Variants in NAA25 observed in about 807,000 individuals in gnomAD.
NAA25 encodes the protein N-terminal acetyltransferase B complex subunit NAA25.
Under a neutral mutation model 132.5 loss-of-function variants are expected in NAA25, and 30 were observed. The observed-to-expected ratio is 0.23, with a 90% CI of 0.17 to 0.31. The LOEUF is 0.31. Ranked by LOEUF, NAA25 falls within the 10% of genes least tolerant of loss-of-function variation. The pLI is 1.00. For missense variants in NAA25, 771 were observed against 1,150.4 expected, an observed-to-expected ratio of 0.67 and a Z score of 4.77; for synonymous variants, 359 against 401.9, an observed-to-expected ratio of 0.89 and a Z score of 1.28.
At chr12:112,106,508 C>G (rs1364883651) in intron 1 of NAA25, among the ~76,000 whole-genome samples, 5 of 152,152 alleles carry the variant, frequency 3.3e-5, no homozygotes, top group Non-Finnish European at 5.9e-5. Flanking sequence ...TCTCTGCCCT[C>G]TGAAAATATA....
chr12:112,046,182 T>C (rs1038959447), intron 17 of NAA25, among the ~76,000 whole-genome samples: 3 of 152,208 alleles, frequency 2.0e-5, no homozygotes, highest in Admixed American at 6.5e-5. Flanking sequence ...CCACTCAGGA[T>C]AGACAGAGTG....
intron 1 of NAA25, among the ~76,000 whole-genome samples, chr12:112,100,845 C>A (rs2079285274): frequency 6.6e-6 from 1 of 152,016 alleles, no homozygotes. Flanking sequence ...GTCTCGATCT[C>A]CTGACCTCGT....
chr12:112,086,407 A>G (rs934845769), intron 4 of NAA25, among the ~76,000 whole-genome samples: 1 of 151,844 alleles, frequency 6.6e-6, no homozygotes, highest in African/African-American at 2.4e-5. Flanking sequence ...GAGGCAGGAG[A>G]ATCGCTTCAA....
chr12:112,042,014 A>T, intron 20 of NAA25, 25 bp downstream of exon 20: 1 of 1,341,122 alleles, frequency 7.5e-7, no homozygotes, highest in Non-Finnish European at 1.0e-6. Flanking sequence ...ATACAAATAC[A>T]GGAATCTACA....
chr12:112,055,315 A>AAC (rs1431706968), intron 13 of NAA25, among the ~76,000 whole-genome samples: 1 of 152,192 alleles, frequency 6.6e-6, no homozygotes, highest in Non-Finnish European at 1.5e-5. Context: ...TGTTCAGTAA[A>AAC]ACACACACAC....
At chr12:112,055,208 G>T (rs1162822752) in intron 13 of NAA25, among the ~76,000 whole-genome samples, 1 of 152,118 alleles carries the variant, frequency 6.6e-6, no homozygotes, top group Admixed American at 6.6e-5. Context: ...ATGGGAGGAT[G>T]AGTAGGTAAA....
At chr12:112,054,616 A>G (rs756896509) in intron 13 of NAA25, 48 bp from the exon 14 acceptor site, 29 of 1,543,728 alleles carry the variant, frequency 1.9e-5, no homozygotes, top group Non-Finnish European at 2.1e-5. Flanking sequence ...AGCAAATGAA[A>G]GCTTCCCAAA....
intron 1 of NAA25, among the ~76,000 whole-genome samples, chr12:112,093,963 G>C (rs968914881): frequency 6.6e-6 from 1 of 151,828 alleles, no homozygotes; most frequent in Admixed American, 6.6e-5. Context: ...TAAATGGCTA[G>C]GACGGTCAAG....
intron 1 of NAA25, among the ~76,000 whole-genome samples, chr12:112,104,153 C>T (rs2079330545): frequency 6.6e-6 from 1 of 152,218 alleles, no homozygotes; most frequent in Admixed American, 6.5e-5. Flanking sequence ...AAATATCTTA[C>T]ACCTGATCCA....
At position 112,027,325 on chromosome 12, in the gene NAA25, A is replaced by ATATT. The variant is rs950024101; in HGVS notation, c.*2205_*2206insAATA. 240 of 149,516 alleles carry ATATT rather than the reference A, an allele frequency of 1.6e-3. No individual in the cohort carries two copies. The highest frequency in any genetic ancestry group is 5.9e-3 in the African/African-American group (235 of 39,578). 9.3% of individuals were successfully genotyped at this position (149,516 alleles called of 1,614,324 possible). A position where few individuals can be genotyped will look rare whatever the true frequency, so the allele number is the denominator to read the frequency against. Reference sequence around the variant, plus strand: ...CATGTAAGAATATATATATATATATATTTTTTTAACTGTACACAATTTATA... The same window carrying ATATT: ...CATGTAAGAATATATATATATATATATATTTTTTTTTAACTGTACACAATTTATA... On this transcript the variant is annotated 3_prime_UTR_variant, in exon 24 of 24. Transcript: ENST00000261745.
rs1482085842 is a variant in NAA25, at chr12:112,061,331, C to G, written c.1207G>C (p.Ala403Pro). Residue 403 changes from alanine to proline, a missense_variant, in exon 12 of 24, where the codon GCA becomes CCA. Ala to Pro is a conservative substitution (Grantham distance 27). This residue lies in a region of NAA25 where 417 missense variants were observed against 733.8 expected (regional missense o/e 0.57). Coordinates refer to ENST00000261745, the MANE Select transcript of NAA25 (RefSeq NM_024953.4). ...AGAGCTCTGATGTCAGCAGGCAGTG[C>G]CAGCTTATCCTCTGTTGGTGTCGAC... ...PLSTPTEDKL[A>P]LPADIRALQQ... is the part of the protein sequence containing the mutation. 1 of 1,614,100 alleles carries G rather than the reference C, an allele frequency of 6.2e-7. No individual in the cohort carries two copies. The highest frequency in any genetic ancestry group is 8.5e-7 in the Non-Finnish European group (1 of 1,180,014).
intron 1 of NAA25, among the ~76,000 whole-genome samples, chr12:112,103,081 G>T (rs1354531623): frequency 6.6e-6 from 1 of 152,156 alleles, no homozygotes; most frequent in Non-Finnish European, 1.5e-5. Flanking sequence ...CCGCCTCCCG[G>T]GTTCAAGTGA....
chr12:112,046,693 C>A (rs761760505), intron 17 of NAA25, among the ~76,000 whole-genome samples: 2 of 152,188 alleles, frequency 1.3e-5, no homozygotes, highest in Non-Finnish European at 2.9e-5. Flanking sequence ...TGTGTAAATG[C>A]ATAATAAGTA....
intron 4 of NAA25, among the ~76,000 whole-genome samples, chr12:112,086,064 A>ATG (rs1166377387): frequency 1.1e-5 from 1 of 92,144 alleles, no homozygotes; most frequent in Non-Finnish European, 1.9e-5. Context: ...ATATATATAT[A>ATG]TATATATATA....
At chr12:112,047,532 C>T (rs2136823464) in intron 17 of NAA25, 133 bp downstream of exon 17, 1 of 1,126,804 alleles carries the variant, frequency 8.9e-7, no homozygotes, top group Non-Finnish European at 1.2e-6. Flanking sequence ...GTGCCCAGCC[C>T]AACCTAATTC....
intron 5 of NAA25, among the ~76,000 whole-genome samples, chr12:112,080,141 C>T (rs1207632580): frequency 6.6e-6 from 1 of 151,672 alleles, no homozygotes; most frequent in Non-Finnish European, 1.5e-5. Context: ...ATTAGCCGGG[C>T]ATGGTAGCAG....
At chr12:112,043,998 G>A in intron 17 of NAA25, 130 bp from the exon 18 acceptor site, 1 of 874,836 alleles carries the variant, frequency 1.1e-6, no homozygotes, top group Non-Finnish European at 1.7e-6. Context: ...CACTATCTCT[G>A]CTCACTGCAA....
chr12:112,069,285 C>T (rs1315772106), intron 10 of NAA25: 4 of 260,904 alleles, frequency 1.5e-5, no homozygotes, highest in Non-Finnish European at 3.0e-5. Flanking sequence ...GCGGGCAATC[C>T]CTTGAAGTCA....
Position 112,080,522 on chromosome 12 carries a change from G to A in NAA25, c.477+538C>T, listed in dbSNP as rs539786203. Among the ~76,000 whole-genome samples the A allele has an allele frequency of 5.3e-5, 8 of 151,818 alleles. No individual in the cohort carries two copies. The South Asian group carries it at 1.7e-3, about 32-fold the overall frequency. On this transcript the variant is annotated intron_variant, in intron 5 of 23. Coordinates refer to ENST00000261745, the MANE Select transcript of NAA25 (RefSeq NM_024953.4). ...CCCTGTCTCTACAACATTTTTTTGA[G>A]ACAGAGTCTCGCTCTATCGCCAGGC...
Sources: allele counts gnomAD v4.1 joint callset (sites outside exome capture counted in the v4.1 genomes callset), GRCh38; gene constraint gnomAD v4.1.1; regional missense constraint gnomAD v4.1.1; transcripts MANE v1.5; gene names NCBI Gene and HGNC (gene_info 2026-07-23, HGNC 2026-07-21).